LARGE1: variants seen among roughly 807,000 people sequenced by gnomAD.
LARGE1 encodes xylosyl- and glucuronyltransferase LARGE1.
A neutral mutation model predicts 87.6 loss-of-function variants in LARGE1; 43 were observed. That is an observed-to-expected ratio of 0.49 (90% CI 0.38 to 0.63). The LOEUF is 0.63. Among genes scored for constraint, LARGE1 ranks in the 30% least tolerant of loss-of-function variants. LARGE1 has a pLI of 0.00. For missense variants in LARGE1, 802 were observed against 1,000.2 expected, an observed-to-expected ratio of 0.80 and a Z score of 2.67; for synonymous variants, 434 against 394.6, an observed-to-expected ratio of 1.10 and a Z score of -1.18.
exon 12 of LARGE1, chr22:33,163,419 G>A (rs1602028796): frequency 6.6e-6 from 1 of 152,204 alleles, no homozygotes; most frequent in Admixed American, 6.5e-5. Flanking sequence ...ACTCCAGAAT[G>A]AAGTGAAGGT....
intron 2 of LARGE1, among the ~76,000 whole-genome samples, chr22:33,705,113 C>T (rs1370632015): frequency 7.2e-5 from 11 of 152,282 alleles, no homozygotes; most frequent in South Asian, 2.1e-4. Context: ...GAAAGCTACA[C>T]GTCTCATGCG....
chr22:33,756,778 T>G (rs972344272), intron 2 of LARGE1, among the ~76,000 whole-genome samples: 1 of 151,838 alleles, frequency 6.6e-6, no homozygotes, highest in Middle Eastern at 3.2e-3. Flanking sequence ...TGCAAGAAAG[T>G]GGGCTGTTGT....
At chr22:33,795,996 T>TAAAA (rs3072310) in intron 1 of LARGE1, among the ~76,000 whole-genome samples, 1 of 143,330 alleles carries the variant, frequency 7.0e-6, no homozygotes, top group African/African-American at 2.6e-5. Flanking sequence ...CTTAAAGTAT[T>TAAAA]AAAAAAAAAA....
At chr22:33,189,916 A>C (rs907267720) in intron 11 of LARGE1, among the ~76,000 whole-genome samples, 7 of 152,204 alleles carry the variant, frequency 4.6e-5, no homozygotes, top group Non-Finnish European at 1.0e-4. Flanking sequence ...TGCTGCATCT[A>C]AGCTTTTGAT....
the LARGE1 span, among the ~76,000 whole-genome samples, chr22:33,141,872 A>G: frequency 6.6e-6 from 1 of 152,200 alleles, no homozygotes; most frequent in East Asian, 1.9e-4. Context: ...TCCCTGCAAA[A>G]GGGTCACACT....
chr22:33,108,301 C>T, the LARGE1 span, among the ~76,000 whole-genome samples: 1 of 152,184 alleles, frequency 6.6e-6, no homozygotes, highest in Non-Finnish European at 1.5e-5. Context: ...AATGGCTAAA[C>T]ATAGTGCTCC....
chr22:33,410,076 G>T (rs1423443760), intron 7 of LARGE1, among the ~76,000 whole-genome samples: 4 of 152,068 alleles, frequency 2.6e-5, no homozygotes, highest in Non-Finnish European at 4.4e-5. Context: ...GGGATCACCT[G>T]CTTGGTTTTA....
chr22:33,172,848 A>G (rs887714465), intron 11 of LARGE1, among the ~76,000 whole-genome samples: 1 of 152,200 alleles, frequency 6.6e-6, no homozygotes, highest in African/African-American at 2.4e-5. Flanking sequence ...TCCAAGAAAT[A>G]CGGGGCTATG....
chr22:33,879,420 G>A (rs2064596539), intron 1 of LARGE1, among the ~76,000 whole-genome samples: 1 of 152,206 alleles, frequency 6.6e-6, no homozygotes, highest in Non-Finnish European at 1.5e-5. Context: ...GACAGATGAT[G>A]AAACCACTCA....
chr22:33,838,401 G>A (rs1160563227), intron 1 of LARGE1, among the ~76,000 whole-genome samples: 2 of 152,176 alleles, frequency 1.3e-5, no homozygotes, highest in African/African-American at 2.4e-5. Flanking sequence ...CACTTTGGGA[G>A]GCCAAGATGG....
At chr22:33,159,074 C>T (rs1478518533), downstream of LARGE1, among the ~76,000 whole-genome samples, 1 of 152,118 alleles carries the variant, frequency 6.6e-6, no homozygotes, top group East Asian at 1.9e-4. Flanking sequence ...ATTCTCTGGG[C>T]CCTCTTTGTC....
At chr22:33,613,885 G>A (rs1235072616) in intron 4 of LARGE1, among the ~76,000 whole-genome samples, 1 of 152,060 alleles carries the variant, frequency 6.6e-6, no homozygotes. Flanking sequence ...TCCCTCTCCT[G>A]GCCCCTTACA....
At chr22:33,752,762 G>A (rs1462341377) in intron 2 of LARGE1, among the ~76,000 whole-genome samples, 1 of 152,198 alleles carries the variant, frequency 6.6e-6, no homozygotes, top group Non-Finnish European at 1.5e-5. Flanking sequence ...GTGGGAAAGT[G>A]GTATGGAAGG....
chr22:33,346,462 C>A (rs148295202), intron 9 of LARGE1, among the ~76,000 whole-genome samples: 2,737 of 152,246 alleles, frequency 0.018, 102 homozygotes, highest in African/African-American at 0.063. Context: ...GCCGCCACGC[C>A]TGGCTATGTT....
chr22:33,341,972 G>A (rs1939195005), intron 9 of LARGE1, among the ~76,000 whole-genome samples: 2 of 152,214 alleles, frequency 1.3e-5, no homozygotes, highest in South Asian at 2.1e-4. Flanking sequence ...CCGCATTCAG[G>A]AGAGTAGAGA....
At chr22:33,406,070 T>G (rs1379623569) in intron 7 of LARGE1, among the ~76,000 whole-genome samples, 1 of 152,202 alleles carries the variant, frequency 6.6e-6, no homozygotes, top group African/African-American at 2.4e-5. Context: ...AAATAAACTT[T>G]GAAACCAGGC....
rs202028671 is a variant in LARGE1, at chr22:33,564,927, C to T, written c.708G>A (p.Glu236=). ...TATCCGTGTCAAGGACGATGACTCTCTCCAGGTTGGCAGGAAGAGTCTTGG... is the reference window on the plus strand; with the variant it reads ...TATCCGTGTCAAGGACGATGACTCTTTCCAGGTTGGCAGGAAGAGTCTTGG... ...VLTKTLPANL[E]RVIVLDTDIT... is the part of the protein sequence containing the mutation. The change falls in exon 6 of 15, where the codon GAG becomes GAA. Residue 236 remains glutamate, a synonymous_variant. Coordinates refer to ENST00000397394, the MANE Select transcript of LARGE1 (RefSeq NM_133642.5). The T allele has an allele frequency of 2.8e-5, 46 of 1,614,124 alleles. No homozygotes were observed. The African/African-American group carries it at 4.9e-4, about 17-fold the overall frequency.
At position 33,778,567 on chromosome 22, in the gene LARGE1, T is replaced by A. The variant is rs115717549; in HGVS notation, c.-82-17009A>T. The stretch of plus-strand genomic sequence containing the variant: ...GTATATTCCATGTATGTGGGATCAT[T>A]CAACACATGGCCTTTTGGGTCTGGT... On this transcript the variant is annotated intron_variant, in intron 1 of 14. Coordinates refer to ENST00000397394, the MANE Select transcript of LARGE1 (RefSeq NM_133642.5). Among the ~76,000 whole-genome samples the A allele has an allele frequency of 5.3e-3, 806 of 152,324 alleles. 6 individuals carry two copies. Among genetic ancestry groups the A allele is most frequent in the African/African-American group, 0.018 (766 of 41,566 alleles).
chr22:33,457,696 A>AT (rs1053903202), intron 6 of LARGE1, among the ~76,000 whole-genome samples: 21 of 151,968 alleles, frequency 1.4e-4, no homozygotes, highest in Admixed American at 6.6e-4. Flanking sequence ...CAAAAGAGTA[A>AT]TTTTTTTTGC....
Sources: allele counts gnomAD v4.1 joint callset (sites outside exome capture counted in the v4.1 genomes callset), GRCh38; gene constraint gnomAD v4.1.1; transcripts MANE v1.5; gene names NCBI Gene and HGNC (gene_info 2026-07-23, HGNC 2026-07-21).